Variants in SIMC1 observed in about 807,000 individuals in gnomAD.
The protein encoded by SIMC1 is SUMO-interacting motif-containing protein 1.
SIMC1 carries 55 observed loss-of-function variants against 82.3 expected under a neutral mutation model. That is an observed-to-expected ratio of 0.67 (90% CI 0.54 to 0.84). The LOEUF (loss-of-function observed/expected upper bound fraction) is 0.84. Among genes scored for constraint, SIMC1 ranks in the 40% least tolerant of loss-of-function variants. The pLI is 0.00. For missense variants in SIMC1, 915 were observed against 1,107.2 expected, an observed-to-expected ratio of 0.83 and a Z score of 2.46; for synonymous variants, 353 against 426.3, an observed-to-expected ratio of 0.83 and a Z score of 2.12.
At chr5:176,241,508 T>TTA (rs1165314892) in intron 1 of SIMC1, among the ~76,000 whole-genome samples, 1 of 150,540 alleles carries the variant, frequency 6.6e-6, no homozygotes, top group Admixed American at 6.6e-5. Flanking sequence ...ATTTGTTTAT[T>TTA]AAGTTCCTCT....
chr5:176,308,764 A>G, intron 4 of SIMC1: 1 of 1,331,102 alleles, frequency 7.5e-7, no homozygotes, highest in Admixed American at 1.7e-5. Flanking sequence ...TCAGCAGTAG[A>G]GCTGCCCAAG....
chr5:176,308,772 A>G (rs764505715), intron 4 of SIMC1: 3 of 1,314,130 alleles, frequency 2.3e-6, no homozygotes, highest in Admixed American at 3.4e-5. Flanking sequence ...AGAGCTGCCC[A>G]AGATCCTGTG....
intron 1 of SIMC1, among the ~76,000 whole-genome samples, chr5:176,260,870 C>G (rs1488036398): frequency 6.6e-6 from 1 of 152,154 alleles, no homozygotes; most frequent in Non-Finnish European, 1.5e-5. Context: ...TCTGGTACAC[C>G]TAGTGCTCAG....
chr5:176,284,210 A>C lies in SIMC1; in HGVS notation c.130-5444A>C, dbSNP rs1763154863. 3.3e-5 allele frequency among the ~76,000 whole-genome samples: 5 copies of C among 152,326 alleles called. No individual in the cohort carries two copies. In the South Asian group the frequency reaches 1.0e-3, roughly 32 times the overall value. ...TCTACAGAACTCTCCACCCCAAATG[A>C]ACAGAATATACATTCTTCTCAGCAC... is the stretch of plus-strand genomic sequence containing the variant. On this transcript the variant is annotated intron_variant, in intron 1 of 9. Coordinates refer to ENST00000429602, the MANE Select transcript of SIMC1 (RefSeq NM_001308195.2).
At chr5:176,336,650 G>A in intron 7 of SIMC1, 70 bp from the exon 8 acceptor site, 7 of 1,567,378 alleles carry the variant, frequency 4.5e-6, no homozygotes, top group Non-Finnish European at 5.2e-6. Context: ...TACATTCAGG[G>A]TGAATTGTGG....
chr5:176,281,110 C>T lies in SIMC1; in HGVS notation c.130-8544C>T, dbSNP rs186110470. On this transcript the variant is annotated intron_variant, in intron 1 of 9. Coordinates refer to ENST00000429602, the MANE Select transcript of SIMC1 (RefSeq NM_001308195.2). ...GTTCTTTTCACATAGTCCCATATTT[C>T]TTGGAAGCTTTGTTCATTTCTTTTT... Among the ~76,000 whole-genome samples the T allele has an allele frequency of 8.0e-4, 122 of 152,340 alleles. 4 individuals carry two copies. In the East Asian group the frequency reaches 0.023, roughly 28 times the overall value.
chr5:176,345,545 C>T lies in SIMC1; in HGVS notation c.*100C>T. ...GAAAAGTGGTTAAAATCTTACAGGACCAAACCTGCATTATTTAATCAGTAG... is the reference window on the plus strand; with the variant it reads ...GAAAAGTGGTTAAAATCTTACAGGATCAAACCTGCATTATTTAATCAGTAG... On this transcript the variant is annotated 3_prime_UTR_variant, in exon 10 of 10. Transcript: ENST00000429602. 7.6e-7 allele frequency: 1 copy of T among 1,323,938 alleles called. No individual in the cohort carries two copies. Among genetic ancestry groups the T allele is most frequent in the Non-Finnish European group, 1.0e-6 (1 of 982,780 alleles). 82.0% of individuals were successfully genotyped at this position (1,323,938 alleles called of 1,614,324 possible).
chr5:176,291,853 G>A (rs927247760), intron 2 of SIMC1, among the ~76,000 whole-genome samples: 2 of 152,190 alleles, frequency 1.3e-5, no homozygotes, highest in Non-Finnish European at 2.9e-5. Context: ...AGGGTCATAC[G>A]TGAAAGTGTC....
intron 1 of SIMC1, among the ~76,000 whole-genome samples, chr5:176,250,879 A>T (rs1761627436): frequency 6.6e-6 from 1 of 152,242 alleles, no homozygotes; most frequent in Admixed American, 6.5e-5. Context: ...GGGTCTCCTG[A>T]ATACAGCACA....
chr5:176,303,891 T>C (rs1350876520), intron 4 of SIMC1, among the ~76,000 whole-genome samples: 1 of 152,072 alleles, frequency 6.6e-6, no homozygotes, highest in Non-Finnish European at 1.5e-5. Flanking sequence ...TCTGAACATA[T>C]AAAAATTAAC....
At chr5:176,250,951 C>T (rs1465528502) in intron 1 of SIMC1, among the ~76,000 whole-genome samples, 1 of 152,106 alleles carries the variant, frequency 6.6e-6, no homozygotes, top group African/African-American at 2.4e-5. Flanking sequence ...GGGCATTTAG[C>T]CCGTTTACAT....
chr5:176,345,499 G>A lies in SIMC1; in HGVS notation c.*54G>A, dbSNP rs971381161. ...TACCTCCTGAACTCTCTCTCCAACTGCTCAGAAGCTCTAAAAGCATGAAAA... is the reference window on the plus strand; with the variant it reads ...TACCTCCTGAACTCTCTCTCCAACTACTCAGAAGCTCTAAAAGCATGAAAA... On this transcript the variant is annotated 3_prime_UTR_variant, in exon 10 of 10. Transcript: ENST00000429602. The A allele has an allele frequency of 1.2e-5, 18 of 1,539,464 alleles. No homozygotes were observed. In the African/African-American group the frequency reaches 1.9e-4, roughly 17 times the overall value.
At chr5:176,260,578 C>G (rs67639019) in intron 1 of SIMC1, among the ~76,000 whole-genome samples, 17,811 of 150,784 alleles carry the variant, frequency 0.12, 1,109 homozygotes, top group Admixed American at 0.16. Context: ...CATTAAAATA[C>G]GGTTTTTTTT....
intron 4 of SIMC1, among the ~76,000 whole-genome samples, chr5:176,310,039 AG>A (rs1764597476): frequency 6.6e-6 from 1 of 152,246 alleles, no homozygotes; most frequent in Non-Finnish European, 1.5e-5. Context: ...ATAGATGGCA[AG>A]TAAGCATATG....
intron 1 of SIMC1, among the ~76,000 whole-genome samples, chr5:176,279,487 G>A (rs1762880022): frequency 6.6e-6 from 1 of 151,438 alleles, no homozygotes; most frequent in African/African-American, 2.4e-5. Context: ...GTTCTGCTCT[G>A]ATTTTAGTTA....
At chr5:176,327,018 G>A (rs1765423942) in intron 7 of SIMC1, among the ~76,000 whole-genome samples, 1 of 152,192 alleles carries the variant, frequency 6.6e-6, no homozygotes, top group Admixed American at 6.5e-5. Context: ...TGTTGTACTG[G>A]TCAGACAGAA....
At chr5:176,315,608 AT>A (rs1764866556) in intron 5 of SIMC1, among the ~76,000 whole-genome samples, 1 of 152,122 alleles carries the variant, frequency 6.6e-6, no homozygotes, top group African/African-American at 2.4e-5. Context: ...ACTCTTCCAC[AT>A]TTACGCTCTC....
At chr5:176,278,861 A>C (rs1326105336) in intron 1 of SIMC1, among the ~76,000 whole-genome samples, 5 of 150,696 alleles carry the variant, frequency 3.3e-5, no homozygotes, top group Middle Eastern at 3.4e-3. Flanking sequence ...CCAGTATTTT[A>C]TTGAGGATTT....
chr5:176,301,122 C>G (rs746509149), intron 4 of SIMC1, among the ~76,000 whole-genome samples: 1 of 152,230 alleles, frequency 6.6e-6, no homozygotes, highest in South Asian at 2.1e-4. Flanking sequence ...ATGGTTTGGC[C>G]GTGTCCCCAC....
Sources: gnomAD v4.1 joint callset for allele counts (sites outside exome capture counted in the v4.1 genomes callset) on GRCh38, gnomAD v4.1.1 for gene constraint, MANE v1.5 for transcripts, NCBI Gene and HGNC (gene_info 2026-07-23, HGNC 2026-07-21) for gene names.